Variants in SGCZ observed in about 807,000 individuals in gnomAD.
SGCZ encodes the protein zeta-sarcoglycan.
A neutral mutation model predicts 41.3 loss-of-function variants in SGCZ; 40 were observed. The ratio of observed to expected loss-of-function variants is 0.97; its 90% confidence interval spans 0.75 to 1.26. The LOEUF is 1.26. Among genes scored for constraint, SGCZ ranks in the 50% most tolerant of loss-of-function variants. The probability of loss-of-function intolerance (pLI) is 0.00; values close to 1 mark genes in which losing one functional copy is unlikely to be tolerated. For synonymous variants in SGCZ, 206 were observed against 137.5 expected (o/e 1.50, Z -3.49); for missense variants, 552 against 369.8 (o/e 1.49, Z -4.04).
chr8:14,792,750 G>T (rs901549101), intron 1 of SGCZ, among the ~76,000 whole-genome samples: 1 of 151,900 alleles, frequency 6.6e-6, no homozygotes, highest in Non-Finnish European at 1.5e-5. Context: ...AGCACCTAAA[G>T]GTCCAGGGTT....
intron 5 of SGCZ, among the ~76,000 whole-genome samples, chr8:14,132,029 T>C (rs905664035): frequency 2.6e-5 from 4 of 152,170 alleles, no homozygotes; most frequent in African/African-American, 9.7e-5. Flanking sequence ...TGATAAGTAA[T>C]GCATGATTGT....
At chr8:14,280,945 G>T (rs1800410025) in intron 3 of SGCZ, among the ~76,000 whole-genome samples, 1 of 151,198 alleles carries the variant, frequency 6.6e-6, no homozygotes, top group Non-Finnish European at 1.5e-5. Context: ...GAATAAAAGT[G>T]TTTTTTCTAA....
chr8:14,900,193 A>G (rs1798922200), intron 1 of SGCZ, among the ~76,000 whole-genome samples: 1 of 152,190 alleles, frequency 6.6e-6, no homozygotes, highest in Non-Finnish European at 1.5e-5. Flanking sequence ...ACAGGCTGGA[A>G]TAGTTTTTAA....
rs1554483942 is a variant in SGCZ, at chr8:14,702,964, G to GATAGATAT, written c.40-148039_40-148038insATATCTAT. 4.3e-3 allele frequency among the ~76,000 whole-genome samples: 600 copies of GATAGATAT among 140,996 alleles called. 2 individuals carry two copies. The highest frequency in any genetic ancestry group is 0.022 in the Middle Eastern group (6 of 270). The allele number at this position is 140,996 out of a possible 152,430, so 92.5% of individuals were successfully genotyped here. On this transcript the variant is annotated intron_variant, in intron 1 of 7. Transcript: ENST00000382080. ...AGATAGATAGATAGATAGATAGATA[G>GATAGATAT]ATAGATAGACAGACAGACAGACAGA...
At chr8:14,361,641 G>C (rs549720446) in intron 2 of SGCZ, among the ~76,000 whole-genome samples, 1 of 152,254 alleles carries the variant, frequency 6.6e-6, no homozygotes, top group East Asian at 1.9e-4. Context: ...CGTTAGCTCA[G>C]AGAAGTTTGT....
intron 2 of SGCZ, among the ~76,000 whole-genome samples, chr8:14,388,187 C>T (rs1268511528): frequency 6.6e-6 from 1 of 151,862 alleles, no homozygotes; most frequent in East Asian, 1.9e-4. Flanking sequence ...ATATATATTG[C>T]CTGATACGAA....
chr8:14,840,753 T>TA (rs1802874668), intron 1 of SGCZ, among the ~76,000 whole-genome samples: 1 of 152,224 alleles, frequency 6.6e-6, no homozygotes, highest in East Asian at 1.9e-4. Flanking sequence ...TAGTTTTACC[T>TA]AAAAAAGAAG....
chr8:14,760,974 G>A (rs1295557853), intron 1 of SGCZ, among the ~76,000 whole-genome samples: 1 of 152,120 alleles, frequency 6.6e-6, no homozygotes, highest in East Asian at 1.9e-4. Context: ...TAAACTGTTG[G>A]ATGTCAGATG....
chr8:14,381,479 T>C (rs184856743), intron 2 of SGCZ, among the ~76,000 whole-genome samples: 91 of 152,006 alleles, frequency 6.0e-4, no homozygotes, highest in African/African-American at 2.2e-3. Context: ...CAAAACATAT[T>C]AAAGCCCCAT....
At chr8:14,647,828 C>G (rs1480395674) in intron 1 of SGCZ, among the ~76,000 whole-genome samples, 2 of 152,054 alleles carry the variant, frequency 1.3e-5, no homozygotes, top group African/African-American at 4.8e-5. Context: ...CTATTTTCTT[C>G]AGTGTTCTCA....
In SGCZ at chr8:14,854,932, G is replaced by A. The variant is rs371218456; in HGVS notation, c.40-300006C>T. Among the ~76,000 whole-genome samples the A allele has an allele frequency of 4.0e-5, 6 of 151,472 alleles. No individual in the cohort carries two copies. In the East Asian group the frequency reaches 9.7e-4, roughly 24 times the overall value. On this transcript the variant is annotated intron_variant, in intron 1 of 7. Coordinates refer to ENST00000382080, the MANE Select transcript of SGCZ (RefSeq NM_139167.4). ...TGTCCACAGGGGCCTGAACAATCATGCAGAGGTCCATGCTATGGCCTCTCT... is the reference window on the plus strand; with the variant it reads ...TGTCCACAGGGGCCTGAACAATCATACAGAGGTCCATGCTATGGCCTCTCT...
At chr8:14,340,236 G>A (rs897629943) in intron 2 of SGCZ, among the ~76,000 whole-genome samples, 1 of 151,784 alleles carries the variant, frequency 6.6e-6, no homozygotes, top group Non-Finnish European at 1.5e-5. Flanking sequence ...TTCCCATGTT[G>A]CTAACACTCT....
intron 1 of SGCZ, among the ~76,000 whole-genome samples, chr8:14,818,663 C>A (rs1222326856): frequency 6.6e-6 from 1 of 151,910 alleles, no homozygotes; most frequent in African/African-American, 2.4e-5. Context: ...TACAAAGGAA[C>A]ACAAACAAAT....
At chr8:14,335,911 C>G (rs1036543318) in intron 2 of SGCZ, among the ~76,000 whole-genome samples, 35 of 152,068 alleles carry the variant, frequency 2.3e-4, no homozygotes, top group Non-Finnish European at 4.0e-4. Context: ...TTTATTTTTA[C>G]AACCGTATTT....
chr8:14,088,618 T>A lies in SGCZ; in HGVS notation c.*1825A>T, dbSNP rs1801598187. Among the ~76,000 whole-genome samples the A allele has an allele frequency of 6.6e-6, 1 of 151,878 alleles. No homozygotes were observed. The highest frequency in any genetic ancestry group is 1.5e-5 in the Non-Finnish European group (1 of 67,872). The stretch of plus-strand genomic sequence containing the variant: ...GCAATCGTATATCATAAATTCTTAT[T>A]TCAATATTGATTTAAAAAGTTATAT... On this transcript the variant is annotated 3_prime_UTR_variant, in exon 8 of 8. Coordinates refer to ENST00000382080, the MANE Select transcript of SGCZ (RefSeq NM_139167.4).
intron 1 of SGCZ, among the ~76,000 whole-genome samples, chr8:14,806,500 C>G (rs954485443): frequency 6.6e-6 from 1 of 152,046 alleles, no homozygotes; most frequent in Non-Finnish European, 1.5e-5. Flanking sequence ...ATAAATTCCT[C>G]GACACATACA....
chr8:14,755,298 T>C (rs547731910), intron 1 of SGCZ, among the ~76,000 whole-genome samples: 34 of 152,288 alleles, frequency 2.2e-4, no homozygotes, highest in African/African-American at 7.7e-4. Context: ...CTACTGAGTA[T>C]TGATTTTCAC....
intron 1 of SGCZ, among the ~76,000 whole-genome samples, chr8:14,674,274 C>A (rs1808201877): frequency 6.6e-6 from 1 of 151,526 alleles, no homozygotes; most frequent in African/African-American, 2.4e-5. Context: ...CAACGTAAAA[C>A]CTTAATTCAA....
At chr8:14,340,976 T>G (rs139773150) in intron 2 of SGCZ, among the ~76,000 whole-genome samples, 1 of 152,092 alleles carries the variant, frequency 6.6e-6, no homozygotes, top group Admixed American at 6.5e-5. Context: ...TAACTGCTAT[T>G]CTACCTTCTA....
Sources: gnomAD v4.1 joint callset for allele counts (sites outside exome capture counted in the v4.1 genomes callset) on GRCh38, gnomAD v4.1.1 for gene constraint, MANE v1.5 for transcripts, NCBI Gene and HGNC (gene_info 2026-07-23, HGNC 2026-07-21) for gene names.